VIRMA: variants seen among roughly 807,000 people sequenced by gnomAD.
VIRMA encodes protein virilizer homolog.
VIRMA carries 65 observed loss-of-function variants against 182.4 expected under a neutral mutation model. That is an observed-to-expected ratio of 0.36 (90% CI 0.29 to 0.44). The LOEUF is 0.44. VIRMA is among the 20% of genes least tolerant of loss of function. The probability of loss-of-function intolerance (pLI) is 1.00; values close to 1 mark genes in which losing one functional copy is unlikely to be tolerated. For missense variants in VIRMA, 1,752 were observed against 2,158.1 expected (o/e 0.81, Z 3.73); for synonymous variants, 709 against 743.1 (o/e 0.95, Z 0.75).
At chr8:94,552,688 G>C (rs1044685475) in intron 1 of VIRMA, among the ~76,000 whole-genome samples, 1 of 152,056 alleles carries the variant, frequency 6.6e-6, no homozygotes, top group Non-Finnish European at 1.5e-5. Flanking sequence ...TGTACATTAA[G>C]GGGCGCTCAA....
chr8:94,511,554 G>C lies in VIRMA; in HGVS notation c.3021C>G (p.Arg1007=). 6.2e-7 allele frequency: 1 copy of C among 1,614,118 alleles called. No homozygotes were observed. The highest frequency in any genetic ancestry group is 2.2e-5 in the East Asian group (1 of 44,882). The change falls in exon 13 of 24, where the codon CGC becomes CGG. Residue 1007 remains arginine (R), a synonymous_variant. Transcript: ENST00000297591. Reference sequence around the variant, plus strand: ...TAGTTTTAAGAAGAGTGAGTGTGCAGCGAGCCATTGAAATAGTAGTAACTC... The same window carrying C: ...TAGTTTTAAGAAGAGTGAGTGTGCACCGAGCCATTGAAATAGTAGTAACTC... ...LHRVTTISMA[R]CTLTLLKTML...
At chr8:94,529,401 C>A (rs1485812455) in intron 6 of VIRMA, 59 bp from the exon 7 acceptor site, 2 of 946,804 alleles carry the variant, frequency 2.1e-6, no homozygotes, top group South Asian at 1.5e-5. Flanking sequence ...CAAAAGGCAG[C>A]AAGACTGGAT....
chr8:94,527,057 C>G lies in VIRMA; in HGVS notation c.1187G>C (p.Arg396Thr). 1 of 1,614,204 alleles carries G rather than the reference C, an allele frequency of 6.2e-7. No homozygotes were observed. The highest frequency in any genetic ancestry group is 8.5e-7 in the Non-Finnish European group (1 of 1,180,020). Residue 396 changes from arginine to threonine, a missense_variant, in exon 8 of 24, where the codon AGA (arginine) becomes ACA (threonine). Coordinates refer to ENST00000297591, the MANE Select transcript of VIRMA (RefSeq NM_015496.5). The part of the protein sequence containing the change: ...TELLDLYRED[R>T]GAKWVTALEE... ...TAAAGCTGTTACCCATTTTGCACCT[C>G]TATCTTCTCTATACAAATCTAAGAG...
chr8:94,495,557 TAAA>T (rs11382498), intron 19 of VIRMA, among the ~76,000 whole-genome samples, 171 bp downstream of exon 19: 3 of 125,030 alleles, frequency 2.4e-5, no homozygotes, highest in East Asian at 2.1e-4. Flanking sequence ...TTGTATAAAT[TAAA>T]AAAAAAAAAA....
chr8:94,499,337 T>C (rs1813891072), intron 17 of VIRMA, 37 bp downstream of exon 17: 1 of 1,402,856 alleles, frequency 7.1e-7, no homozygotes, highest in Non-Finnish European at 9.7e-7. Flanking sequence ...AATACATACA[T>C]ACATATATAC....
At chr8:94,499,138 AAT>A (rs1479653128) in intron 17 of VIRMA, 37 of 277,314 alleles carry the variant, frequency 1.3e-4, no homozygotes, top group African/African-American at 7.2e-4. Context: ...TTGGATATTT[AAT>A]ATATAAAGTG....
intron 2 of VIRMA, among the ~76,000 whole-genome samples, chr8:94,540,466 T>C (rs3102867): frequency 0.11 from 15,640 of 143,300 alleles, 1,032 homozygotes; most frequent in East Asian, 0.22. Context: ...CTTTTCTTTT[T>C]TTTTTTTTTT....
intron 16 of VIRMA, 28 bp from the exon 17 acceptor site, chr8:94,499,534 T>G: frequency 7.3e-7 from 1 of 1,374,526 alleles, no homozygotes; most frequent in South Asian, 1.3e-5. Flanking sequence ...AAAGAGAAGA[T>G]ATTATCTTAA....
In VIRMA at chr8:94,491,607, T is replaced by C; in HGVS notation, c.5111A>G (p.Asn1704Ser). ...TGAAGCAGGTGGTGTGAAAAACCTA[T>C]TCTGACTGTGGAAAGCACCCCGTCC... ...RGGRGAFHSQ[N>S]RFFTPPASKG... Residue 1704 changes from asparagine (N) to serine (S), a missense_variant, in exon 22 of 24, where the codon AAT becomes AGT. This residue lies in a region of VIRMA where 132 missense variants were observed against 173.8 expected (regional missense o/e 0.76). Coordinates refer to ENST00000297591, the MANE Select transcript of VIRMA (RefSeq NM_015496.5). The C allele has an allele frequency of 6.2e-7, 1 of 1,613,926 alleles. No homozygotes were observed.
At chr8:94,537,050 T>C in intron 4 of VIRMA, 53 bp downstream of exon 4, 1 of 1,147,824 alleles carries the variant, frequency 8.7e-7, no homozygotes, top group Middle Eastern at 1.9e-4. Flanking sequence ...AAACTTTAAA[T>C]GGAGTTGAGA....
At chr8:94,488,893 A>G in intron 23 of VIRMA, 33 bp from the exon 24 acceptor site, 7 of 1,596,550 alleles carry the variant, frequency 4.4e-6, no homozygotes, top group African/African-American at 2.7e-5. Context: ...TTTAGTTCCA[A>G]TGTCCTTTCT....
intron 5 of VIRMA, among the ~76,000 whole-genome samples, chr8:94,532,843 C>T (rs1011023967): frequency 2.2e-4 from 34 of 152,062 alleles, no homozygotes; most frequent in South Asian, 1.0e-3. Context: ...CGTCTATAGT[C>T]CTAGCTACTC....
At chr8:94,540,255 T>G (rs1006688044) in intron 2 of VIRMA, among the ~76,000 whole-genome samples, 1 of 152,122 alleles carries the variant, frequency 6.6e-6, no homozygotes, top group East Asian at 1.9e-4. Flanking sequence ...TTCATTAGAC[T>G]ATGTAGCTAT....
chr8:94,495,557 TAA>T (rs11382498), intron 19 of VIRMA, among the ~76,000 whole-genome samples, 172 bp downstream of exon 19: 2,271 of 125,030 alleles, frequency 0.018, 26 homozygotes, highest in Non-Finnish European at 0.029. Flanking sequence ...TTGTATAAAT[TAA>T]AAAAAAAAAA....
At chr8:94,494,392 C>A (rs1813699746) in intron 20 of VIRMA, among the ~76,000 whole-genome samples, 1 of 151,662 alleles carries the variant, frequency 6.6e-6, no homozygotes, top group Non-Finnish European at 1.5e-5. Context: ...GAGTTTGAGA[C>A]CAGCCTGACC....
At chr8:94,544,911 A>AT (rs1401941617) in intron 1 of VIRMA, among the ~76,000 whole-genome samples, 3 of 152,138 alleles carry the variant, frequency 2.0e-5, no homozygotes, top group African/African-American at 7.2e-5. Context: ...AATAGCCGAG[A>AT]TAAACCCCTC....
chr8:94,496,393 G>GT lies in VIRMA; in HGVS notation c.4317dup (p.Gln1440ThrfsTer16). ...CTTTCTTCTTTGCTTTGTAGAAGCT[G>GT]TTTTAACTCTGCAGCATTAATACTC... is the stretch of plus-strand genomic sequence containing the variant. On this transcript the variant is annotated frameshift_variant, in exon 18 of 24. Coordinates refer to ENST00000297591, the MANE Select transcript of VIRMA (RefSeq NM_015496.5). LOFTEE classifies it high-confidence loss of function. 1 of 1,613,690 alleles carries GT rather than the reference G, an allele frequency of 6.2e-7. No homozygotes were observed. The highest frequency in any genetic ancestry group is 8.5e-7 in the Non-Finnish European group (1 of 1,179,706).
At chr8:94,520,389 G>T (rs1187509631) in intron 8 of VIRMA, among the ~76,000 whole-genome samples, 1 of 151,990 alleles carries the variant, frequency 6.6e-6, no homozygotes, top group Admixed American at 6.6e-5. Context: ...CAGCTACTTG[G>T]GAGGCTGAGG....
Position 94,506,728 on chromosome 8 carries a change from C to CA in VIRMA, c.3880-12dup. On this transcript the variant is annotated splice_polypyrimidine_tract_variant and intron_variant, in intron 15 of 23. Transcript: ENST00000297591. ...GATAAGTGCAATGTCCTGTGGGGAGCAGGGAAAAAAAAATCGATTTTTTAA... is the reference window on the plus strand; with the variant it reads ...GATAAGTGCAATGTCCTGTGGGGAGCAAGGGAAAAAAAAATCGATTTTTTAA... 1 of 1,558,372 alleles carries CA rather than the reference C, an allele frequency of 6.4e-7. No homozygotes were observed. The highest frequency in any genetic ancestry group is 1.2e-5 in the South Asian group (1 of 84,634).
Sources: gnomAD v4.1 joint callset for allele counts (sites outside exome capture counted in the v4.1 genomes callset) on GRCh38, gnomAD v4.1.1 for gene constraint, gnomAD v4.1.1 regional missense constraint, MANE v1.5 for transcripts, NCBI Gene and HGNC (gene_info 2026-07-23, HGNC 2026-07-21) for gene names.